Variants in SPAG16 observed in about 807,000 individuals in gnomAD.
SPAG16 encodes the protein sperm-associated antigen 16 protein.
In SPAG16, 86 loss-of-function variants were observed where a neutral mutation model predicts 80.4. The ratio of observed to expected loss-of-function variants is 1.07; its 90% confidence interval spans 0.90 to 1.28. The LOEUF is 1.28. Among genes scored for constraint, SPAG16 ranks in the 50% most tolerant of loss-of-function variants. The pLI, the probability that SPAG16 is intolerant of heterozygous loss-of-function variation, is 0.00. For missense variants in SPAG16, 870 were observed against 765.3 expected (o/e 1.14, Z -1.61); for synonymous variants, 294 against 265.9 (o/e 1.11, Z -1.03).
At chr2:214,085,280 G>A (rs62197893) in intron 13 of SPAG16, among the ~76,000 whole-genome samples, 60,814 of 151,354 alleles carry the variant, frequency 0.4, 12,856 homozygotes, top group Non-Finnish European at 0.46. Context: ...GCTGAGGCGG[G>A]AGAATCACTT....
intron 9 of SPAG16, among the ~76,000 whole-genome samples, chr2:213,425,577 G>C (rs950696189): frequency 3.3e-5 from 5 of 150,994 alleles, no homozygotes; most frequent in African/African-American, 1.2e-4. Context: ...GCTTGAACCA[G>C]GAAGGTAGAG....
intron 10 of SPAG16, among the ~76,000 whole-genome samples, chr2:213,570,848 C>T (rs1381835924): frequency 2.6e-5 from 1 of 38,068 alleles, no homozygotes; most frequent in Non-Finnish European, 4.2e-5. Flanking sequence ...GTTAAAGTCT[C>T]CCATTATTAA....
intron 15 of SPAG16, among the ~76,000 whole-genome samples, chr2:214,395,029 C>A (rs535848023): frequency 3.3e-5 from 5 of 152,318 alleles, no homozygotes; most frequent in African/African-American, 1.2e-4. Context: ...CATGCCTTTT[C>A]ATGGCTTGTT....
Position 213,294,112 on chromosome 2 carries a change from C to T in SPAG16, c.137-1952C>T, listed in dbSNP as rs556941142. Among the ~76,000 whole-genome samples, 24 of 152,300 alleles carry T rather than the reference C, an allele frequency of 1.6e-4. 3 individuals carry two copies. In the South Asian group the frequency reaches 5.0e-3, roughly 32 times the overall value. ...TACCCTCTATTCATTGGTAACTCCC[C>T]TTCTAATGTCTGTTTCTGTAGAGTT... On this transcript the variant is annotated intron_variant, in intron 1 of 15. Transcript: ENST00000331683.
At chr2:214,071,163 T>A (rs1034196202) in intron 13 of SPAG16, among the ~76,000 whole-genome samples, 2 of 152,130 alleles carry the variant, frequency 1.3e-5, no homozygotes, top group African/African-American at 4.8e-5. Flanking sequence ...TAACTCACAA[T>A]TCCACATCCC....
At chr2:214,302,175 T>C (rs1694599496) in intron 15 of SPAG16, among the ~76,000 whole-genome samples, 1 of 152,216 alleles carries the variant, frequency 6.6e-6, no homozygotes, top group African/African-American at 2.4e-5. Flanking sequence ...TTTGAACTTA[T>C]TGAGACTTAC....
intron 12 of SPAG16, among the ~76,000 whole-genome samples, chr2:213,996,695 A>G (rs1336440297): frequency 2.0e-5 from 3 of 151,352 alleles, no homozygotes; most frequent in Non-Finnish European, 2.9e-5. Context: ...CAGCCTCCCA[A>G]GTAGCTGAGA....
chr2:214,032,762 T>C (rs2048479585), intron 13 of SPAG16, among the ~76,000 whole-genome samples: 1 of 152,196 alleles, frequency 6.6e-6, no homozygotes, highest in South Asian at 2.1e-4. Flanking sequence ...TAATTTTTGA[T>C]GTAGATTTAC....
chr2:214,242,565 C>G (rs557057667), intron 15 of SPAG16, among the ~76,000 whole-genome samples: 1 of 151,868 alleles, frequency 6.6e-6, no homozygotes, highest in East Asian at 1.9e-4. Flanking sequence ...TTGAATCTAC[C>G]AAAATATTTT....
chr2:213,938,704 A>C (rs2079084411), intron 12 of SPAG16, among the ~76,000 whole-genome samples: 1 of 152,040 alleles, frequency 6.6e-6, no homozygotes, highest in Admixed American at 6.6e-5. Flanking sequence ...AAACAAATCA[A>C]ATGTCCAAGG....
At chr2:213,444,093 T>G (rs1035733178) in intron 9 of SPAG16, among the ~76,000 whole-genome samples, 1 of 152,190 alleles carries the variant, frequency 6.6e-6, no homozygotes, top group Non-Finnish European at 1.5e-5. Flanking sequence ...TAAAATCACC[T>G]CTTTGTTCTG....
chr2:214,225,472 A>G (rs933947245), intron 15 of SPAG16, among the ~76,000 whole-genome samples: 2 of 152,122 alleles, frequency 1.3e-5, no homozygotes, highest in Admixed American at 6.6e-5. Context: ...TTCTAAGTGT[A>G]TTTGTTTTGA....
At chr2:213,859,034 C>T (rs1315138272) in intron 10 of SPAG16, among the ~76,000 whole-genome samples, 7 of 151,226 alleles carry the variant, frequency 4.6e-5, no homozygotes, top group Admixed American at 4.6e-4. Flanking sequence ...CAAACATTAG[C>T]CAGACATGGT....
intron 10 of SPAG16, among the ~76,000 whole-genome samples, chr2:213,531,744 A>ATCTC (rs750971231): frequency 6.6e-5 from 10 of 151,960 alleles, no homozygotes; most frequent in Non-Finnish European, 1.5e-4. Context: ...AATTTTTGAA[A>ATCTC]TCTCTCATTC....
chr2:214,105,997 A>G (rs2053360926), intron 13 of SPAG16, among the ~76,000 whole-genome samples: 1 of 152,148 alleles, frequency 6.6e-6, no homozygotes, highest in Non-Finnish European at 1.5e-5. Flanking sequence ...AGAGTGCCAT[A>G]GAGATTCTAC....
intron 14 of SPAG16, among the ~76,000 whole-genome samples, chr2:214,148,235 A>C (rs1330094460): frequency 6.6e-6 from 1 of 152,146 alleles, no homozygotes; most frequent in Non-Finnish European, 1.5e-5. Context: ...AACCCCTCTT[A>C]TTCACCAGCA....
chr2:213,617,308 T>C (rs2061630903), intron 10 of SPAG16, among the ~76,000 whole-genome samples: 1 of 152,174 alleles, frequency 6.6e-6, no homozygotes, highest in Non-Finnish European at 1.5e-5. Context: ...CTTATGTCTG[T>C]AATCTCAGCA....
At chr2:213,676,530 A>C (rs1440949067) in intron 10 of SPAG16, among the ~76,000 whole-genome samples, 1 of 151,946 alleles carries the variant, frequency 6.6e-6, no homozygotes, top group Non-Finnish European at 1.5e-5. Flanking sequence ...TGTCATAGAT[A>C]GCTCTTATTA....
intron 11 of SPAG16, among the ~76,000 whole-genome samples, chr2:213,916,603 C>T (rs10197953): frequency 0.59 from 88,956 of 151,980 alleles, 27,845 homozygotes; most frequent in South Asian, 0.84. Flanking sequence ...GTGAGACATT[C>T]ACTATCTTGA....
Sources: allele counts gnomAD v4.1 joint callset (sites outside exome capture counted in the v4.1 genomes callset), GRCh38; gene constraint gnomAD v4.1.1; transcripts MANE v1.5; gene names NCBI Gene and HGNC (gene_info 2026-07-23, HGNC 2026-07-21).